The following EFCAB6 variants were observed in gnomAD, a reference collection of about 807,000 sequenced individuals.
EFCAB6 encodes EF-hand calcium binding domain 6, also known as EF-hand calcium-binding domain-containing protein 6.
EFCAB6 carries 156 observed loss-of-function variants against 169.8 expected under a neutral mutation model. The ratio of observed to expected loss-of-function variants is 0.92; its 90% CI spans 0.81 to 1.05. The LOEUF is 1.05. Among genes scored for constraint, EFCAB6 ranks in the 50% least tolerant of loss-of-function variants. EFCAB6 has a pLI of 0.00. For missense variants in EFCAB6, 1,800 were observed against 1,829.1 expected, an observed-to-expected ratio of 0.98 and a Z score of 0.29; for synonymous variants, 698 against 676.4, an observed-to-expected ratio of 1.03 and a Z score of -0.50.
intron 2 of EFCAB6, among the ~76,000 whole-genome samples, chr22:43,807,634 T>C (rs563101115): frequency 1.0e-3 from 159 of 152,260 alleles, no homozygotes; most frequent in Admixed American, 2.9e-3. Flanking sequence ...CACAGCCAAA[T>C]AGAAATGGCA....
Position 43,672,060 on chromosome 22 carries a change from A to T in EFCAB6, c.1553T>A (p.Leu518His), listed in dbSNP as rs765579839. Residue 518 changes from leucine to histidine, a missense_variant, in exon 15 of 32, where the codon CTT becomes CAT. Physicochemically the swap from Leu to His is moderately conservative, Grantham distance 99. Transcript: ENST00000262726. ...AFYNMLRSYD[L>H]GDTGRIGRNN... ...TCGGCCAATGCGCCCTGTGTCTCCA[A>T]GGTCATATGAGCGTAGCATGTTATA... 1 of 1,614,218 alleles carries T rather than the reference A, an allele frequency of 6.2e-7. No homozygotes were observed. Among genetic ancestry groups the T allele is most frequent in the Non-Finnish European group, 8.5e-7 (1 of 1,180,028 alleles).
intron 5 of EFCAB6, among the ~76,000 whole-genome samples, chr22:43,762,383 C>G (rs919116118): frequency 6.6e-6 from 1 of 152,152 alleles, no homozygotes; most frequent in Non-Finnish European, 1.5e-5. Context: ...ACAAATTCAC[C>G]AGGATTTGGC....
chr22:43,715,787 T>C (rs2059314771), intron 9 of EFCAB6, among the ~76,000 whole-genome samples: 1 of 152,192 alleles, frequency 6.6e-6, no homozygotes, highest in Admixed American at 6.5e-5. Context: ...AGAAAGTCAT[T>C]AACAACAACT....
At chr22:43,711,183 T>C (rs570794251) in intron 10 of EFCAB6, among the ~76,000 whole-genome samples, 1 of 152,320 alleles carries the variant, frequency 6.6e-6, no homozygotes, top group East Asian at 1.9e-4. Flanking sequence ...GAGTTCTTAT[T>C]TTTTAGAGAG....
intron 2 of EFCAB6, among the ~76,000 whole-genome samples, chr22:43,801,662 A>T (rs1471460077): frequency 2.0e-5 from 3 of 151,990 alleles, no homozygotes; most frequent in Admixed American, 6.5e-5. Context: ...ATGAGCTGTC[A>T]TCTTTTTAAA....
intron 26 of EFCAB6, among the ~76,000 whole-genome samples, chr22:43,567,987 C>T (rs1212475622): frequency 6.6e-6 from 1 of 152,242 alleles, no homozygotes; most frequent in Non-Finnish European, 1.5e-5. Context: ...AAAATCCCAA[C>T]TCAGCAACAC....
At chr22:43,749,326 T>C (rs569800897) in intron 6 of EFCAB6, among the ~76,000 whole-genome samples, 10 of 152,028 alleles carry the variant, frequency 6.6e-5, no homozygotes, top group Non-Finnish European at 1.0e-4. Context: ...GAAGGAGATA[T>C]AAACGTGGGC....
chr22:43,633,163 C>A (rs1024602572), intron 18 of EFCAB6, among the ~76,000 whole-genome samples: 1 of 152,196 alleles, frequency 6.6e-6, no homozygotes, highest in Non-Finnish European at 1.5e-5. Context: ...ACAGCTGAAT[C>A]CAGGCTGTCT....
intron 26 of EFCAB6, 43 bp from the exon 27 acceptor site, chr22:43,555,139 C>T (rs376675716): frequency 2.1e-5 from 34 of 1,602,436 alleles, no homozygotes; most frequent in African/African-American, 9.4e-5. Flanking sequence ...GAGAAATAAT[C>T]GACCACCTCT....
At chr22:43,718,933 G>A (rs2059427473) in intron 8 of EFCAB6, among the ~76,000 whole-genome samples, 1 of 152,174 alleles carries the variant, frequency 6.6e-6, no homozygotes, top group Admixed American at 6.5e-5. Context: ...TCACAGAAGC[G>A]GGACCTGAAG....
At chr22:43,716,348 C>T (rs150316662) in intron 9 of EFCAB6, among the ~76,000 whole-genome samples, 192 of 152,190 alleles carry the variant, frequency 1.3e-3, no homozygotes, top group African/African-American at 4.3e-3. Flanking sequence ...AGCCAACTAC[C>T]CCTTTAAATC....
intron 17 of EFCAB6, among the ~76,000 whole-genome samples, chr22:43,655,084 C>T (rs1253448990): frequency 1.3e-5 from 2 of 151,992 alleles, no homozygotes; most frequent in Non-Finnish European, 2.9e-5. Flanking sequence ...ATAGTGAAAC[C>T]CCATCTCTAC....
chr22:43,671,428 C>T (rs1236600297), intron 15 of EFCAB6, among the ~76,000 whole-genome samples: 1 of 152,096 alleles, frequency 6.6e-6, no homozygotes, highest in Non-Finnish European at 1.5e-5. Flanking sequence ...TCATTATTTG[C>T]TCAGTTATCA....
chr22:43,659,937 G>A (rs2056923304), intron 17 of EFCAB6, among the ~76,000 whole-genome samples: 1 of 152,154 alleles, frequency 6.6e-6, no homozygotes. Context: ...TGGGACACAG[G>A]GTTGGGCTGT....
intron 15 of EFCAB6, 110 bp from the exon 16 acceptor site, chr22:43,669,155 G>A (rs2057381975): frequency 1.0e-6 from 1 of 966,974 alleles, no homozygotes; most frequent in Middle Eastern, 2.9e-4. Context: ...TTCATCCACT[G>A]CTGGTGGGAA....
chr22:43,702,030 G>A (rs1375381766), intron 10 of EFCAB6, among the ~76,000 whole-genome samples: 2 of 152,114 alleles, frequency 1.3e-5, no homozygotes, highest in African/African-American at 4.8e-5. Flanking sequence ...AAGAGAAGAA[G>A]AGACCCAGTC....
chr22:43,594,590 A>G (rs1194187762), intron 23 of EFCAB6, among the ~76,000 whole-genome samples: 1 of 152,242 alleles, frequency 6.6e-6, no homozygotes, highest in Non-Finnish European at 1.5e-5. Context: ...GGATATAACA[A>G]TAGTAAACAT....
Position 43,767,649 on chromosome 22 carries a change from G to A in EFCAB6, c.352-2256C>T, listed in dbSNP as rs137938997. 9.0e-3 allele frequency among the ~76,000 whole-genome samples: 1,364 copies of A among 152,274 alleles called. 18 individuals carry two copies. Among genetic ancestry groups the A allele is most frequent in the African/African-American group, 0.031 (1,306 of 41,552 alleles). On this transcript the variant is annotated intron_variant, in intron 4 of 31. Coordinates refer to ENST00000262726, the MANE Select transcript of EFCAB6 (RefSeq NM_022785.4). Reference sequence around the variant, plus strand: ...AGGTATGGCCTCCCTGCCCGGCACCGCCATGAGTGCCAGCGATCTCTGTGA... The same window carrying A: ...AGGTATGGCCTCCCTGCCCGGCACCACCATGAGTGCCAGCGATCTCTGTGA...
chr22:43,793,238 G>C (rs1569492334), intron 2 of EFCAB6, among the ~76,000 whole-genome samples: 1 of 152,206 alleles, frequency 6.6e-6, no homozygotes, highest in Non-Finnish European at 1.5e-5. Context: ...AGAGTACACT[G>C]CAGGGAGTAC....
Sources: allele counts gnomAD v4.1 joint callset (sites outside exome capture counted in the v4.1 genomes callset), GRCh38; gene constraint gnomAD v4.1.1; transcripts MANE v1.5; gene names NCBI Gene and HGNC (gene_info 2026-07-23, HGNC 2026-07-21).